The following KCNK2 variants were observed in gnomAD, a reference collection of about 807,000 sequenced individuals.
KCNK2 encodes potassium channel subfamily K member 2.
In KCNK2, 21 loss-of-function variants were observed where a neutral mutation model predicts 40.5. The ratio of observed to expected loss-of-function variants is 0.52; its 90% confidence interval spans 0.37 to 0.75. The LOEUF (loss-of-function observed/expected upper bound fraction) is 0.75, where lower values mean the gene tolerates loss of function less well. Ranked by LOEUF, KCNK2 falls within the 30% of genes least tolerant of loss-of-function variation. The pLI, the probability that KCNK2 is intolerant of heterozygous loss-of-function variation, is 0.00. For synonymous variants in KCNK2, 191 were observed against 202.2 expected (o/e 0.94, Z 0.47); for missense variants, 399 against 531.6 (o/e 0.75, Z 2.45).
At chr1:215,115,955 GTT>G (rs35626781) in intron 2 of KCNK2, among the ~76,000 whole-genome samples, 432 of 134,042 alleles carry the variant, frequency 3.2e-3, no homozygotes, top group East Asian at 0.024. Context: ...TCTTCATCAT[GTT>G]TTTTTTTTTT....
At chr1:215,158,324 C>T (rs190406002) in intron 3 of KCNK2, among the ~76,000 whole-genome samples, 82 of 152,134 alleles carry the variant, frequency 5.4e-4, no homozygotes, top group African/African-American at 1.9e-3. Flanking sequence ...GGATTTTGGG[C>T]CATTTTATAG....
intron 1 of KCNK2, among the ~76,000 whole-genome samples, chr1:215,026,536 C>T (rs1014140922): frequency 3.3e-5 from 5 of 151,754 alleles, no homozygotes; most frequent in African/African-American, 1.2e-4. Context: ...AATTGAATAA[C>T]CCCTGGACCA....
chr1:215,132,333 T>C (rs533155710), intron 3 of KCNK2, among the ~76,000 whole-genome samples: 1 of 152,328 alleles, frequency 6.6e-6, no homozygotes, highest in East Asian at 1.9e-4. Context: ...GATGTCGTCA[T>C]TGTAGCTCTG....
chr1:215,064,207 G>T (rs1251577121), intron 1 of KCNK2, among the ~76,000 whole-genome samples: 1 of 152,182 alleles, frequency 6.6e-6, no homozygotes, highest in Non-Finnish European at 1.5e-5. Context: ...TTATGCTAAA[G>T]TACTGCTTTT....
intron 1 of KCNK2, among the ~76,000 whole-genome samples, chr1:215,049,257 G>T (rs1657896187): frequency 6.6e-6 from 1 of 152,146 alleles, no homozygotes; most frequent in African/African-American, 2.4e-5. Flanking sequence ...GCTGAATGAA[G>T]TTAAACATAT....
At chr1:215,079,576 C>G (rs113859443), upstream of KCNK2, among the ~76,000 whole-genome samples, 1 of 152,164 alleles carries the variant, frequency 6.6e-6, no homozygotes, top group Admixed American at 6.5e-5. Flanking sequence ...GCAAGGGGAA[C>G]GTCTGGCCCC....
At chr1:215,150,395 C>A (rs1289883687) in intron 3 of KCNK2, among the ~76,000 whole-genome samples, 1 of 152,084 alleles carries the variant, frequency 6.6e-6, no homozygotes, top group African/African-American at 2.4e-5. Context: ...AAAGAGTAAT[C>A]AATTTCTCCA....
intron 1 of KCNK2, among the ~76,000 whole-genome samples, chr1:215,030,656 TCC>T (rs1292013603): frequency 6.6e-6 from 1 of 151,638 alleles, no homozygotes; most frequent in African/African-American, 2.4e-5. Context: ...CACCTCAGCC[TCC>T]CGAGTAGCTG....
At chr1:215,108,765 T>C (rs922402888) in intron 2 of KCNK2, among the ~76,000 whole-genome samples, 6 of 113,142 alleles carry the variant, frequency 5.3e-5, no homozygotes, top group Non-Finnish European at 9.9e-5. Context: ...GTTTAAATTA[T>C]AGTAAACAAA....
At chr1:215,051,869 T>C (rs1274453350) in intron 1 of KCNK2, among the ~76,000 whole-genome samples, 7 of 152,052 alleles carry the variant, frequency 4.6e-5, no homozygotes, top group Admixed American at 2.6e-4. Flanking sequence ...GATAAGAAAA[T>C]TTTGGATTGT....
At chr1:215,091,280 G>A (rs1419097971) in intron 2 of KCNK2, among the ~76,000 whole-genome samples, 1 of 152,124 alleles carries the variant, frequency 6.6e-6, no homozygotes, top group Non-Finnish European at 1.5e-5. Flanking sequence ...ATCTGGGTGT[G>A]AGGGGCAGGG....
chr1:215,153,249 A>T (rs1034904109), intron 3 of KCNK2, among the ~76,000 whole-genome samples: 1 of 152,138 alleles, frequency 6.6e-6, no homozygotes, highest in Non-Finnish European at 1.5e-5. Flanking sequence ...ACAAAAACGT[A>T]TGTGGGGTTT....
chr1:215,104,136 C>T (rs1040387503), intron 2 of KCNK2, among the ~76,000 whole-genome samples: 7 of 151,988 alleles, frequency 4.6e-5, no homozygotes, highest in African/African-American at 1.7e-4. Context: ...CATTCAAAGG[C>T]ATAAACTCAT....
chr1:215,063,556 CTAACAGTAA>C (rs1658429789), intron 1 of KCNK2, among the ~76,000 whole-genome samples: 3 of 152,196 alleles, frequency 2.0e-5, no homozygotes, highest in Non-Finnish European at 2.9e-5. Flanking sequence ...AGGAACTGTG[CTAACAGTAA>C]TAATACCATT....
intron 1 of KCNK2, among the ~76,000 whole-genome samples, chr1:215,048,945 A>G (rs536195857): frequency 1.3e-5 from 2 of 152,196 alleles, no homozygotes; most frequent in Non-Finnish European, 2.9e-5. Context: ...TTTGGCTATC[A>G]CAAATAAATC....
chr1:215,233,240 T>C (rs779691207), intron 6 of KCNK2, among the ~76,000 whole-genome samples: 1 of 152,132 alleles, frequency 6.6e-6, no homozygotes, highest in South Asian at 2.1e-4. Context: ...TTTTCCAGCT[T>C]TGCTTTTTTT....
At chr1:215,130,798 C>A (rs1661633701) in intron 3 of KCNK2, among the ~76,000 whole-genome samples, 1 of 152,120 alleles carries the variant, frequency 6.6e-6, no homozygotes, top group Non-Finnish European at 1.5e-5. Context: ...GAGATATACT[C>A]CTCTCAGAAT....
intron 6 of KCNK2, among the ~76,000 whole-genome samples, chr1:215,230,114 C>T (rs1388263778): frequency 4.1e-5 from 6 of 147,556 alleles, no homozygotes; most frequent in Non-Finnish European, 6.0e-5. Flanking sequence ...CACACACACA[C>T]ACACACACAC....
intron 2 of KCNK2, among the ~76,000 whole-genome samples, chr1:215,102,131 G>C (rs571261655): frequency 1.3e-5 from 2 of 152,014 alleles, no homozygotes; most frequent in African/African-American, 2.4e-5. Flanking sequence ...AACTGTAAAA[G>C]TGTCTCAGAC....
Sources: allele counts gnomAD v4.1 joint callset (sites outside exome capture counted in the v4.1 genomes callset), GRCh38; gene constraint gnomAD v4.1.1; transcripts MANE v1.5; gene names NCBI Gene and HGNC (gene_info 2026-07-23, HGNC 2026-07-21).